Variants in CASR observed in about 807,000 individuals in gnomAD.
CASR encodes calcium sensing receptor.
CASR carries 23 observed loss-of-function variants against 69.1 expected under a neutral mutation model. The observed-to-expected ratio is 0.33, with a 90% CI of 0.24 to 0.47. The LOEUF (loss-of-function observed/expected upper bound fraction) is 0.47, where lower values mean the gene tolerates loss of function less well. Among genes scored for constraint, CASR ranks in the 20% least tolerant of loss-of-function variants. The probability of loss-of-function intolerance (pLI) is 1.00; values close to 1 mark genes in which losing one functional copy is unlikely to be tolerated. For synonymous variants in CASR, 541 were observed against 544.7 expected (o/e 0.99, Z 0.10); for missense variants, 924 against 1,356.1 (o/e 0.68, Z 5.00).
Position 122,265,328 on chromosome 3 carries a change from C to G in CASR, c.1377+2916C>G, listed in dbSNP as rs146712618. Among the ~76,000 whole-genome samples, 1,044 of 152,244 alleles carry G rather than the reference C, an allele frequency of 6.9e-3. 11 individuals carry two copies. The highest frequency in any genetic ancestry group is 0.024 in the African/African-American group (994 of 41,526). ...CCAAAAAAATATTTATCAGTCAACT[C>G]ATATGCCTCAAAAGTAGCACTAGCA... is the stretch of plus-strand genomic sequence containing the variant. On this transcript the variant is annotated intron_variant, in intron 4 of 6. Transcript: ENST00000639785.
At chr3:122,220,042 G>A (rs544908931) in intron 1 of CASR, among the ~76,000 whole-genome samples, 3 of 152,328 alleles carry the variant, frequency 2.0e-5, no homozygotes, top group African/African-American at 7.2e-5. Context: ...GTAAGCACAT[G>A]TTGTGTCTAC....
In CASR at chr3:122,261,840, G is replaced by A. The variant is rs1287902533; in HGVS notation, c.805G>A (p.Val269Ile). Residue 269 changes from valine to isoleucine, a missense_variant, in exon 4 of 7, where the codon GTT becomes ATT. By Grantham distance (29) the Val-to-Ile change is conservative. Coordinates refer to ENST00000639785, the MANE Select transcript of CASR (RefSeq NM_000388.4). ...IQNSTAKVIV[V>I]FSSGPDLEPL... ...AAATTCCACGGCCAAAGTCATCGTG[G>A]TTTTCTCCAGTGGCCCAGATCTTGA... The A allele has an allele frequency of 1.2e-6, 2 of 1,614,108 alleles. No individual in the cohort carries two copies. The highest frequency in any genetic ancestry group is 1.3e-5 in the African/African-American group (1 of 74,934).
rs2074964819 is a variant in CASR at position 122,285,944 on chromosome 3, G to A, written c.*753G>A. ...TAATAGTCCATGGACAATATAAACT[G>A]AAAAATGTCAGTCTGGTTTATATAA... On this transcript the variant is annotated 3_prime_UTR_variant, in exon 7 of 7. Coordinates refer to ENST00000639785, the MANE Select transcript of CASR (RefSeq NM_000388.4). 6.5e-6 allele frequency: 1 copy of A among 152,798 alleles called. No individual in the cohort carries two copies. Among genetic ancestry groups the A allele is most frequent in the African/African-American group, 2.4e-5 (1 of 41,420 alleles). The allele number at this position is 152,798 out of a possible 1,614,324, so 9.5% of individuals were successfully genotyped here.
chr3:122,237,138 T>G, intron 1 of CASR, among the ~76,000 whole-genome samples: 1 of 142,870 alleles, frequency 7.0e-6, no homozygotes, highest in Non-Finnish European at 1.5e-5. Flanking sequence ...TTTGACAGAG[T>G]CTTGCTCTGT....
intron 3 of CASR, among the ~76,000 whole-genome samples, chr3:122,258,463 G>A (rs1021757343): frequency 6.6e-6 from 1 of 150,514 alleles, no homozygotes; most frequent in Middle Eastern, 3.4e-3. Context: ...GGGAATTAAA[G>A]GTGTTTCCCA....
At chr3:122,239,150 A>G (rs558670507) in intron 1 of CASR, among the ~76,000 whole-genome samples, 4 of 152,274 alleles carry the variant, frequency 2.6e-5, no homozygotes, top group African/African-American at 9.6e-5. Context: ...GCTCCTAGAC[A>G]GCATTTCTGG....
intron 2 of CASR, among the ~76,000 whole-genome samples, chr3:122,254,848 G>C (rs2074538310): frequency 6.6e-6 from 1 of 151,754 alleles, no homozygotes; most frequent in African/African-American, 2.4e-5. Flanking sequence ...AACCACAGTA[G>C]TCAGCATGAC....
chr3:122,218,705 T>A (rs530885835), intron 1 of CASR, among the ~76,000 whole-genome samples: 12 of 152,306 alleles, frequency 7.9e-5, no homozygotes, highest in African/African-American at 2.9e-4. Flanking sequence ...AGGATTAAAC[T>A]GTGAACAAAA....
At chr3:122,210,579 A>C (rs915054933) in intron 1 of CASR, among the ~76,000 whole-genome samples, 2 of 152,214 alleles carry the variant, frequency 1.3e-5, no homozygotes, top group Admixed American at 1.3e-4. Context: ...CTGCTCAAGG[A>C]AATCAGAGAG....
In CASR at chr3:122,288,934, G is replaced by A. The variant is rs544973367; in HGVS notation, c.*3743G>A. On this transcript the variant is annotated 3_prime_UTR_variant, in exon 7 of 7. Coordinates refer to ENST00000639785, the MANE Select transcript of CASR (RefSeq NM_000388.4). ...TTTAAGAATTTAGGTTGGAAATTTA[G>A]AGGTGACGATCAGCATATAACATCA... 1 of 152,128 alleles carries A rather than the reference G, an allele frequency of 6.6e-6. No individual in the cohort carries two copies. Among genetic ancestry groups the A allele is most frequent in the South Asian group, 2.1e-4 (1 of 4,824 alleles). The allele number at this position is 152,128 out of a possible 1,614,324, so 9.4% of individuals were successfully genotyped here.
At chr3:122,264,733 C>T (rs1576861349) in intron 4 of CASR, among the ~76,000 whole-genome samples, 2 of 152,124 alleles carry the variant, frequency 1.3e-5, no homozygotes, top group Non-Finnish European at 2.9e-5. Context: ...CTCCTTTGAG[C>T]CTCAGGAACC....
At chr3:122,200,725 A>C (rs1477192601) in intron 1 of CASR, among the ~76,000 whole-genome samples, 1 of 152,322 alleles carries the variant, frequency 6.6e-6, no homozygotes, top group South Asian at 2.1e-4. Flanking sequence ...GCACATGTAC[A>C]AAAGTCTCTA....
At chr3:122,229,602 C>A (rs1456694566) in intron 1 of CASR, among the ~76,000 whole-genome samples, 3 of 152,214 alleles carry the variant, frequency 2.0e-5, no homozygotes, top group Non-Finnish European at 2.9e-5. Flanking sequence ...TGGCTGACAC[C>A]TGTAATCCCA....
chr3:122,283,678 A>G lies in CASR; in HGVS notation c.1733-9A>G, dbSNP rs190731787. 4.6e-4 allele frequency: 746 copies of G among 1,612,648 alleles called. 2 individuals carry two copies. Among genetic ancestry groups the G allele is most frequent in the East Asian group, 1.2e-3 (53 of 44,874 alleles). On this transcript the variant is annotated splice_polypyrimidine_tract_variant and intron_variant, in intron 6 of 6. Transcript: ENST00000639785. ...ACAATAACTCACTCTTCACTGGGAC[A>G]TTTTACAGATGCCAGTGCCTGTAAC...
intron 1 of CASR, among the ~76,000 whole-genome samples, chr3:122,191,834 T>C (rs1304340846): frequency 6.6e-6 from 1 of 152,184 alleles, no homozygotes; most frequent in Non-Finnish European, 1.5e-5. Flanking sequence ...CATACAAATA[T>C]TTTAACTTTT....
In CASR at chr3:122,284,774, G is replaced by A. The variant is rs573406193; in HGVS notation, c.2820G>A (p.Gln940=). Reference sequence around the variant, plus strand: ...AGCAGCAGCCGCTGGCCCTAACCCAGCAAGAGCAGCAGCAGCAGCCCCTGA... The same window carrying A: ...AGCAGCAGCCGCTGGCCCTAACCCAACAAGAGCAGCAGCAGCAGCCCCTGA... ...QKQQQPLALT[Q]QEQQQQPLTL... The change falls in exon 7 of 7, where the codon CAG becomes CAA. Residue 940 remains glutamine, a synonymous_variant. Transcript: ENST00000639785. 2.5e-6 allele frequency: 4 copies of A among 1,614,132 alleles called. No individual in the cohort carries two copies. Among genetic ancestry groups the A allele is most frequent in the South Asian group, 1.1e-5 (1 of 91,080 alleles).
At chr3:122,224,095 G>A (rs9881955) in intron 1 of CASR, among the ~76,000 whole-genome samples, 4,526 of 152,238 alleles carry the variant, frequency 0.03, 118 homozygotes, top group Non-Finnish European at 0.046. Flanking sequence ...TACTGAATGG[G>A]CAAAAGCTGT....
At chr3:122,270,307 C>T (rs535800561) in intron 4 of CASR, among the ~76,000 whole-genome samples, 1 of 152,308 alleles carries the variant, frequency 6.6e-6, no homozygotes, top group African/African-American at 2.4e-5. Flanking sequence ...TTACAATGTT[C>T]TCAGACTATA....
intron 1 of CASR, among the ~76,000 whole-genome samples, chr3:122,230,555 G>A (rs966596941): frequency 2.0e-5 from 3 of 152,296 alleles, no homozygotes; most frequent in African/African-American, 4.8e-5. Flanking sequence ...ACAGGGCAGC[G>A]GCTGAACCCA....
Sources: allele counts gnomAD v4.1 joint callset (sites outside exome capture counted in the v4.1 genomes callset), GRCh38; gene constraint gnomAD v4.1.1; transcripts MANE v1.5; gene names NCBI Gene and HGNC (gene_info 2026-07-23, HGNC 2026-07-21).